The following CDC23 variants were observed in gnomAD, a reference collection of about 807,000 sequenced individuals.
The protein encoded by CDC23 is cell division cycle protein 23 homolog.
CDC23 carries 26 observed loss-of-function variants against 81.7 expected under a neutral mutation model. That is an observed-to-expected ratio of 0.32 (90% confidence interval 0.23 to 0.44). The LOEUF (loss-of-function observed/expected upper bound fraction) is 0.44. CDC23 is among the 20% of genes least tolerant of loss of function. The pLI, the probability that CDC23 is intolerant of heterozygous loss-of-function variation, is 1.00. For missense variants in CDC23, 519 were observed against 728.0 expected (o/e 0.71, Z 3.30); for synonymous variants, 267 against 270.8 (o/e 0.99, Z 0.14).
chr5:138,204,902 C>T (rs927690207), intron 3 of CDC23, among the ~76,000 whole-genome samples: 25 of 151,278 alleles, frequency 1.7e-4, no homozygotes, highest in Non-Finnish European at 3.1e-4. Context: ...CTACCGCGCC[C>T]GGACTTTTTC....
intron 9 of CDC23, among the ~76,000 whole-genome samples, 172 bp downstream of exon 9, chr5:138,198,027 C>G (rs1409314237): frequency 6.6e-6 from 1 of 152,138 alleles, no homozygotes; most frequent in Non-Finnish European, 1.5e-5. Flanking sequence ...GACATGATCA[C>G]AGCTGACTGC....
At chr5:138,200,918 A>G in intron 6 of CDC23, 189 bp downstream of exon 6, 1 of 573,538 alleles carries the variant, frequency 1.7e-6, no homozygotes. Context: ...AACAGCAACT[A>G]CTGAAAAAGA....
intron 1 of CDC23, 43 bp downstream of exon 1, chr5:138,213,109 G>A (rs759808344): frequency 2.9e-5 from 46 of 1,613,820 alleles, no homozygotes; most frequent in Non-Finnish European, 3.6e-5. Flanking sequence ...GCCCCCCAAG[G>A]CCAAGGATCC....
intron 9 of CDC23, among the ~76,000 whole-genome samples, chr5:138,197,876 C>T (rs893532285): frequency 6.6e-6 from 1 of 152,196 alleles, no homozygotes. Flanking sequence ...TAGGATTAAT[C>T]AGTGAGCTTT....
chr5:138,195,595 ATATT>A (rs1260707061), intron 9 of CDC23, among the ~76,000 whole-genome samples: 21,652 of 115,564 alleles, frequency 0.19, 2,752 homozygotes, highest in East Asian at 0.41. Flanking sequence ...TATATAATAT[ATATT>A]ATATATGATA....
At position 138,213,297 on chromosome 5, in the gene CDC23, A is replaced by T; in HGVS notation, c.16T>A (p.Ser6Thr). ...GCCGTCACAGCCACCGGGACCATGGAGGTACTCGCAGCCATTTTCCCGACT... is the reference window on the plus strand; with the variant it reads ...GCCGTCACAGCCACCGGGACCATGGTGGTACTCGCAGCCATTTTCCCGACT... Reference protein sequence around the residue: MAASTSMVPVAVTAAV... With the variant: MAASTTMVPVAVTAAV... The change falls in exon 1 of 16, where the codon TCC (serine) becomes ACC (threonine). Residue 6 changes from serine (S) to threonine (T), a missense_variant. Transcript: ENST00000394886. 2 of 1,613,578 alleles carry T rather than the reference A, an allele frequency of 1.2e-6. No individual in the cohort carries two copies. Among genetic ancestry groups the T allele is most frequent in the Non-Finnish European group, 1.7e-6 (2 of 1,179,786 alleles).
chr5:138,189,717 A>G lies in CDC23; in HGVS notation c.1539T>C (p.Phe513=), dbSNP rs1754804643. ...TAAAATAGTACTGGGCCAGATAGCG[A>G]AAGGCAGTGCTTTCCTCCAAGTGTT... ...IVEHLEESTA[F]RYLAQYYFKC... The change falls in exon 15 of 16, where the codon TTT becomes TTC. Residue 513 remains phenylalanine, a synonymous_variant. Coordinates refer to ENST00000394886, the MANE Select transcript of CDC23 (RefSeq NM_004661.4). 1.2e-6 allele frequency: 2 copies of G among 1,614,070 alleles called. No individual in the cohort carries two copies. The highest frequency in any genetic ancestry group is 4.5e-5 in the East Asian group (2 of 44,878).
intron 4 of CDC23, 47 bp from the exon 5 acceptor site, chr5:138,201,495 T>C (rs972060464): frequency 7.9e-7 from 1 of 1,259,942 alleles, no homozygotes; most frequent in Non-Finnish European, 1.1e-6. Flanking sequence ...ATGCTGGTTT[T>C]CATTTTCTTA....
intron 9 of CDC23, among the ~76,000 whole-genome samples, chr5:138,195,733 CATATAATATATAT>C (rs1754890980): frequency 9.4e-6 from 1 of 106,924 alleles, no homozygotes; most frequent in Non-Finnish European, 1.8e-5. Context: ...TATATATATA[CATATAATATATAT>C]GTATATATAT....
chr5:138,196,870 G>A (rs1225648460), intron 9 of CDC23, among the ~76,000 whole-genome samples: 16 of 148,800 alleles, frequency 1.1e-4, no homozygotes, highest in Non-Finnish European at 1.3e-4. Context: ...GTGAGCCACC[G>A]CGCCTGGCCT....
rs17228435 is a variant in CDC23 at position 138,200,414 on chromosome 5, G to A, written c.654+693C>T. 6.4e-4 allele frequency among the ~76,000 whole-genome samples: 97 copies of A among 152,218 alleles called. 1 individual carries two copies. The highest frequency in any genetic ancestry group is 2.2e-3 in the African/African-American group (90 of 41,562). The stretch of plus-strand genomic sequence containing the variant: ...CCCAAAGTGCTAGGATTACAGGCAT[G>A]AGCCACCGTGCCTGGCCATAATGTT... On this transcript the variant is annotated intron_variant, in intron 6 of 15. Coordinates refer to ENST00000394886, the MANE Select transcript of CDC23 (RefSeq NM_004661.4).
At chr5:138,208,641 G>C (rs760526016) in intron 2 of CDC23, among the ~76,000 whole-genome samples, 2 of 152,162 alleles carry the variant, frequency 1.3e-5, no homozygotes, top group Admixed American at 1.3e-4. Flanking sequence ...AAATATATTC[G>C]TAACAGTCGA....
chr5:138,200,993 G>T, intron 6 of CDC23, 114 bp downstream of exon 6: 2 of 1,166,458 alleles, frequency 1.7e-6, no homozygotes, highest in Non-Finnish European at 2.4e-6. Flanking sequence ...CAGAGGCGCA[G>T]CAAAGGGAGA....
At chr5:138,190,011 A>G in intron 13 of CDC23, 105 bp from the exon 14 acceptor site, 1 of 850,576 alleles carries the variant, frequency 1.2e-6, no homozygotes, top group South Asian at 1.5e-5. Flanking sequence ...ATAGGTAAGT[A>G]TCAATTTTGA....
intron 2 of CDC23, among the ~76,000 whole-genome samples, chr5:138,212,269 A>G (rs1051565746): frequency 3.9e-5 from 6 of 152,174 alleles, no homozygotes; most frequent in Non-Finnish European, 7.4e-5. Flanking sequence ...AAACTTAACC[A>G]TTATTTGCTA....
At chr5:138,194,138 T>C (rs1754857727) in intron 9 of CDC23, among the ~76,000 whole-genome samples, 1 of 152,154 alleles carries the variant, frequency 6.6e-6, no homozygotes, top group Admixed American at 6.5e-5. Context: ...CATGGAATAC[T>C]ACTCAGCAAT....
At chr5:138,199,759 A>G (rs1250211949) in intron 6 of CDC23, among the ~76,000 whole-genome samples, 1 of 152,256 alleles carries the variant, frequency 6.6e-6, no homozygotes, top group African/African-American at 2.4e-5. Context: ...TAGGCAAGAC[A>G]AGGAATTTGG....
chr5:138,211,571 G>A (rs1202288657), intron 2 of CDC23, among the ~76,000 whole-genome samples: 1 of 151,902 alleles, frequency 6.6e-6, no homozygotes, highest in African/African-American at 2.4e-5. Context: ...GTTGAGGCAG[G>A]AGAATTGCTT....
intron 6 of CDC23, among the ~76,000 whole-genome samples, chr5:138,199,299 G>A (rs1754959595): frequency 6.6e-6 from 1 of 152,104 alleles, no homozygotes; most frequent in African/African-American, 2.4e-5. Context: ...GGAGCTTTAA[G>A]AATAAGTTTG....
Sources: gnomAD v4.1 joint callset for allele counts (sites outside exome capture counted in the v4.1 genomes callset) on GRCh38, gnomAD v4.1.1 for gene constraint, MANE v1.5 for transcripts, NCBI Gene and HGNC (gene_info 2026-07-23, HGNC 2026-07-21) for gene names.